The following NSG1 variants were observed in gnomAD, a reference collection of about 807,000 sequenced individuals.
NSG1 encodes the protein neuronal vesicle trafficking associated 1, also known as neuronal vesicle trafficking-associated protein 1.
Under a neutral mutation model 19.3 loss-of-function variants are expected in NSG1, and 9 were observed. That is an observed-to-expected ratio of 0.47 (90% CI 0.28 to 0.81). NSG1 has a LOEUF of 0.81. Ranked by LOEUF, NSG1 falls within the 40% of genes least tolerant of loss-of-function variation. The pLI, the probability that NSG1 is intolerant of heterozygous loss-of-function variation, is 0.11. For missense variants in NSG1, 236 were observed against 242.4 expected, an observed-to-expected ratio of 0.97 and a Z score of 0.18; for synonymous variants, 104 against 107.0, an observed-to-expected ratio of 0.97 and a Z score of 0.17.
rs1375954266 is a variant in NSG1 at position 4,417,163 on chromosome 4, G to A, written c.358-72G>A. 3.0e-6 allele frequency: 4 copies of A among 1,324,272 alleles called. No individual in the cohort carries two copies. The East Asian group carries it at 9.2e-5, about 30-fold the overall frequency. The allele number at this position is 1,324,272 out of a possible 1,614,324, so 82.0% of individuals were successfully genotyped here. ...CAGGGAAGGTGCTCAGTAACTGTTG[G>A]CTGCCAACTGGAGACACACTGGCAC... On this transcript the variant is annotated intron_variant, in intron 4 of 4. Transcript: ENST00000621129.
At chr4:4,398,840 A>T (rs1249119921) in intron 3 of NSG1, among the ~76,000 whole-genome samples, 6 of 152,162 alleles carry the variant, frequency 3.9e-5, no homozygotes, top group Admixed American at 2.0e-4. Flanking sequence ...GTAATTTGAT[A>T]TTTAACGTAT....
At position 4,417,924 on chromosome 4, in the gene NSG1, G is replaced by GT; in HGVS notation, c.*490dup. ...CTGACTGCTGCCAAGGTGCACTGTA[G>GT]TAAGTAAGTGGCATAGAGAACGAGG... On this transcript the variant is annotated 3_prime_UTR_variant, in exon 5 of 5. Coordinates refer to ENST00000621129, the MANE Select transcript of NSG1 (RefSeq NM_014392.5). The GT allele has an allele frequency of 5.3e-6, 1 of 189,328 alleles. No individual in the cohort carries two copies. The highest frequency in any genetic ancestry group is 1.0e-4 in the South Asian group (1 of 9,980). 11.7% of individuals were successfully genotyped at this position (189,328 alleles called of 1,614,324 possible).
intron 4 of NSG1, among the ~76,000 whole-genome samples, chr4:4,411,506 G>A (rs536417228): frequency 6.6e-6 from 1 of 152,092 alleles, no homozygotes; most frequent in Admixed American, 6.6e-5. Context: ...CACTTTGGGA[G>A]GCCTAGGTGG....
At chr4:4,416,480 C>T (rs1724549099) in intron 4 of NSG1, among the ~76,000 whole-genome samples, 1 of 152,170 alleles carries the variant, frequency 6.6e-6, no homozygotes, top group Admixed American at 6.5e-5. Context: ...CTGCCTTAAG[C>T]CCGTGGAGGT....
At chr4:4,387,561 C>CCGGGGTGGG in intron 1 of NSG1, 43 bp from the exon 2 acceptor site, 1 of 1,141,990 alleles carries the variant, frequency 8.8e-7, no homozygotes, top group Non-Finnish European at 1.2e-6. Flanking sequence ...CGCCCCGCCC[C>CCGGGGTGGG]GGGTCTTGCT....
intron 4 of NSG1, among the ~76,000 whole-genome samples, chr4:4,411,998 T>C (rs1324971584): frequency 6.6e-6 from 1 of 152,186 alleles, no homozygotes; most frequent in Non-Finnish European, 1.5e-5. Context: ...TTTATACAGC[T>C]GACAGTGCAG....
intron 3 of NSG1, among the ~76,000 whole-genome samples, chr4:4,397,581 C>T (rs571256251): frequency 5.3e-5 from 8 of 152,346 alleles, no homozygotes; most frequent in South Asian, 2.1e-4. Flanking sequence ...CCTGTCCAGA[C>T]GGTGAGCGTT....
chr4:4,407,619 C>T lies in NSG1; in HGVS notation c.247-1954C>T, dbSNP rs138979839. On this transcript the variant is annotated intron_variant, in intron 3 of 4. Coordinates refer to ENST00000621129, the MANE Select transcript of NSG1 (RefSeq NM_014392.5). The stretch of plus-strand genomic sequence containing the variant: ...CAGCTGGTCCTGTGGCCAGGGCTCC[C>T]TGCAGTCAGGATGCAGGCTCGGGGA... 1.4e-3 allele frequency among the ~76,000 whole-genome samples: 212 copies of T among 152,264 alleles called. 2 individuals are homozygous for T. Among genetic ancestry groups the T allele is most frequent in the African/African-American group, 4.9e-3 (204 of 41,544 alleles).
chr4:4,391,501 T>C lies in NSG1; in HGVS notation c.156T>C (p.Tyr52=), dbSNP rs1560138898. 3.1e-6 allele frequency: 5 copies of C among 1,613,140 alleles called. No homozygotes were observed. Among genetic ancestry groups the C allele is most frequent in the Non-Finnish European group, 4.2e-6 (5 of 1,179,706 alleles). The change falls in exon 3 of 5, where the codon TAT becomes TAC. Residue 52 remains tyrosine, a synonymous_variant. Transcript: ENST00000621129. ...TGGTCGTGAAAACTAAGACCGAGTATGAACCTGACCGCAAGAAAGGGAAAG... is the reference window on the plus strand; with the variant it reads ...TGGTCGTGAAAACTAAGACCGAGTACGAACCTGACCGCAAGAAAGGGAAAG... The part of the protein sequence containing the change: ...DKVVVKTKTE[Y]EPDRKKGKAR...
intron 3 of NSG1, among the ~76,000 whole-genome samples, chr4:4,395,373 A>C (rs1723202508): frequency 6.6e-6 from 1 of 152,132 alleles, no homozygotes; most frequent in Admixed American, 6.5e-5. Context: ...TCCAGCACAG[A>C]AGCTGGGAAG....
chr4:4,409,834 G>A, intron 4 of NSG1, 151 bp downstream of exon 4: 1 of 652,582 alleles, frequency 1.5e-6, no homozygotes, highest in Non-Finnish European at 2.7e-6. Context: ...TGTCCCTGTG[G>A]AAGGCCCACC....
intron 2 of NSG1, among the ~76,000 whole-genome samples, chr4:4,387,984 A>G (rs532770485): frequency 6.6e-6 from 1 of 150,402 alleles, no homozygotes; most frequent in African/African-American, 2.4e-5. Context: ...TCGTCCTGAC[A>G]GTGGAACGCG....
rs922136775 is a variant in NSG1, at chr4:4,387,898, G to A, written c.129+140G>A. 1.5e-5 allele frequency: 11 copies of A among 720,580 alleles called. No individual in the cohort carries two copies. In the African/African-American group the frequency reaches 1.8e-4, roughly 12 times the overall value. The allele number at this position is 720,580 out of a possible 1,614,324, so 44.6% of individuals were successfully genotyped here. A position where few individuals can be genotyped will look rare whatever the true frequency, so the allele number is the denominator to read the frequency against. On this transcript the variant is annotated intron_variant, in intron 2 of 4. Coordinates refer to ENST00000621129, the MANE Select transcript of NSG1 (RefSeq NM_014392.5). ...CGGGAGGCCGGAGGGAGCGCGGCGA[G>A]GACAGTGTACCCGCGCGGGATTCTG...
intron 3 of NSG1, among the ~76,000 whole-genome samples, chr4:4,402,141 G>A (rs1477117288): frequency 2.7e-5 from 4 of 148,870 alleles, no homozygotes; most frequent in African/African-American, 9.9e-5. Flanking sequence ...CTCTCGCTTC[G>A]GCCTCCCAAA....
intron 4 of NSG1, among the ~76,000 whole-genome samples, chr4:4,415,393 G>A (rs956484371): frequency 3.9e-5 from 6 of 152,174 alleles, no homozygotes; most frequent in African/African-American, 1.2e-4. Context: ...AGGCCCAGCT[G>A]AGTCACGCTC....
intron 3 of NSG1, among the ~76,000 whole-genome samples, chr4:4,402,222 T>TC (rs1723586034): frequency 1.3e-5 from 2 of 150,832 alleles, no homozygotes; most frequent in South Asian, 4.2e-4. Flanking sequence ...TTTTTTTTTT[T>TC]TCGAGATGGG....
At chr4:4,409,488 T>G (rs1640967820) in intron 3 of NSG1, 85 bp from the exon 4 acceptor site, 14 of 923,828 alleles carry the variant, frequency 1.5e-5, no homozygotes, top group Admixed American at 5.4e-5. Context: ...ACATGCTGTG[T>G]GGGGGGGGGC....
At chr4:4,409,540 G>A (rs773443008) in intron 3 of NSG1, 33 bp from the exon 4 acceptor site, 10 of 1,550,190 alleles carry the variant, frequency 6.5e-6, no homozygotes, top group East Asian at 4.5e-5. Flanking sequence ...GCTGCCTTCC[G>A]GCCACCCCTG....
intron 3 of NSG1, among the ~76,000 whole-genome samples, chr4:4,395,046 C>T (rs934756141): frequency 6.6e-6 from 1 of 152,202 alleles, no homozygotes; most frequent in African/African-American, 2.4e-5. Flanking sequence ...CTAGCTTGCC[C>T]AGGAAGCCTG....
Sources: gnomAD v4.1 joint callset for allele counts (sites outside exome capture counted in the v4.1 genomes callset) on GRCh38, gnomAD v4.1.1 for gene constraint, MANE v1.5 for transcripts, NCBI Gene and HGNC (gene_info 2026-07-23, HGNC 2026-07-21) for gene names.